Variants in ELMO1 observed in about 807,000 individuals in gnomAD.
ELMO1 encodes engulfment and cell motility protein 1.
A neutral mutation model predicts 98.9 loss-of-function variants in ELMO1; 26 were observed. That is an observed-to-expected ratio of 0.26 (90% confidence interval 0.19 to 0.36). ELMO1 has a LOEUF of 0.36. Ranked by LOEUF, ELMO1 falls within the 10% of genes least tolerant of loss-of-function variation. The probability of loss-of-function intolerance (pLI) is 1.00; values close to 1 mark genes in which losing one functional copy is unlikely to be tolerated. For missense variants in ELMO1, 627 were observed against 935.2 expected (o/e 0.67, Z 4.30); for synonymous variants, 346 against 346.0 (o/e 1.00, Z 0.00).
intron 20 of ELMO1, among the ~76,000 whole-genome samples, chr7:36,868,932 C>T (rs997310458): frequency 2.6e-5 from 4 of 152,118 alleles, no homozygotes; most frequent in Non-Finnish European, 2.9e-5. Flanking sequence ...GAGCAGAGCC[C>T]GTGCTCTCCG....
chr7:36,914,897 TTTCAGAAA>T (rs56874273), intron 16 of ELMO1, among the ~76,000 whole-genome samples: 69,032 of 151,352 alleles, frequency 0.46, 17,112 homozygotes, highest in Non-Finnish European at 0.56. Context: ...AAATGCAAGA[TTTCAGAAA>T]TTCAGAAATT....
At chr7:37,145,835 T>C (rs953754885) in intron 13 of ELMO1, among the ~76,000 whole-genome samples, 8 of 152,200 alleles carry the variant, frequency 5.3e-5, no homozygotes, top group South Asian at 2.1e-4. Flanking sequence ...ACTTAATCTA[T>C]GAAAAGCCCT....
At chr7:37,235,947 A>T (rs1391257959) in intron 7 of ELMO1, among the ~76,000 whole-genome samples, 1 of 152,114 alleles carries the variant, frequency 6.6e-6, no homozygotes, top group Non-Finnish European at 1.5e-5. Flanking sequence ...AAACCAATAA[A>T]CAACAAAAAA....
chr7:37,427,006 C>G (rs544441028), intron 1 of ELMO1, among the ~76,000 whole-genome samples: 2 of 151,862 alleles, frequency 1.3e-5, no homozygotes, highest in African/African-American at 2.4e-5. Context: ...AAAGATTCTA[C>G]GTCTTTTTTC....
chr7:37,313,669 C>T (rs534792838), intron 4 of ELMO1, among the ~76,000 whole-genome samples: 47 of 152,306 alleles, frequency 3.1e-4, no homozygotes, highest in African/African-American at 1.1e-3. Flanking sequence ...GGCCTCTCTC[C>T]TGCTGAACTG....
intron 15 of ELMO1, among the ~76,000 whole-genome samples, chr7:37,019,531 C>T (rs979826568): frequency 6.6e-6 from 1 of 152,188 alleles, no homozygotes; most frequent in African/African-American, 2.4e-5. Context: ...CACGTTTATA[C>T]ACGAGAGCTT....
intron 16 of ELMO1, among the ~76,000 whole-genome samples, chr7:36,963,455 A>G (rs59755167): frequency 0.24 from 36,335 of 151,914 alleles, 5,595 homozygotes; most frequent in African/African-American, 0.43. Context: ...TGTGAAAAGA[A>G]GTGAGGAAAA....
intron 4 of ELMO1, among the ~76,000 whole-genome samples, chr7:37,278,233 T>TTG (rs1220501138): frequency 6.6e-6 from 1 of 151,646 alleles, no homozygotes; most frequent in African/African-American, 2.4e-5. Context: ...AATCTAGATG[T>TTG]TGCTGTAAGG....
chr7:37,036,829 C>T (rs916966663), intron 15 of ELMO1, among the ~76,000 whole-genome samples: 1 of 152,126 alleles, frequency 6.6e-6, no homozygotes, highest in African/African-American at 2.4e-5. Context: ...TGTTAAGGAT[C>T]CAATGACCCA....
chr7:37,112,958 G>A (rs1785339629), intron 14 of ELMO1, among the ~76,000 whole-genome samples: 1 of 152,150 alleles, frequency 6.6e-6, no homozygotes, highest in African/African-American at 2.4e-5. Flanking sequence ...TACTGGCTGG[G>A]CTCTGGTCAC....
chr7:37,003,056 A>T (rs1394969074), intron 16 of ELMO1, among the ~76,000 whole-genome samples: 1 of 152,172 alleles, frequency 6.6e-6, no homozygotes, highest in Non-Finnish European at 1.5e-5. Flanking sequence ...TTCCTCCTAC[A>T]CAGTTGGCCT....
intron 13 of ELMO1, among the ~76,000 whole-genome samples, chr7:37,148,912 A>G (rs1352635553): frequency 1.3e-5 from 2 of 152,122 alleles, no homozygotes; most frequent in Non-Finnish European, 2.9e-5. Flanking sequence ...TTTTTCATTC[A>G]TCCCCAGGGA....
chr7:37,368,728 C>T (rs1307599829), intron 1 of ELMO1, among the ~76,000 whole-genome samples: 1 of 152,190 alleles, frequency 6.6e-6, no homozygotes, highest in Non-Finnish European at 1.5e-5. Flanking sequence ...GACCTTTGCT[C>T]ACAGTGAAGT....
chr7:37,175,400 A>G (rs1416938984), intron 13 of ELMO1, among the ~76,000 whole-genome samples: 1 of 152,242 alleles, frequency 6.6e-6, no homozygotes, highest in East Asian at 1.9e-4. Flanking sequence ...AAGTATTGTC[A>G]GGCTGCAGAG....
At chr7:37,434,804 C>T (rs1805079347) in intron 1 of ELMO1, among the ~76,000 whole-genome samples, 2 of 152,200 alleles carry the variant, frequency 1.3e-5, no homozygotes, top group South Asian at 2.1e-4. Flanking sequence ...GTTGTCTGTA[C>T]CCAGTAAAAT....
intron 14 of ELMO1, among the ~76,000 whole-genome samples, chr7:37,110,019 C>A (rs73690302): frequency 2.6e-5 from 4 of 152,196 alleles, no homozygotes; most frequent in Non-Finnish European, 4.4e-5. Context: ...CTCCAGATTG[C>A]CCTCTGGGAT....
chr7:36,998,260 G>C (rs1247248080), intron 16 of ELMO1, among the ~76,000 whole-genome samples: 1 of 152,072 alleles, frequency 6.6e-6, no homozygotes, highest in Non-Finnish European at 1.5e-5. Flanking sequence ...CTTAAATTTA[G>C]AACAACTCAA....
intron 4 of ELMO1, among the ~76,000 whole-genome samples, chr7:37,312,915 T>C (rs1798961045): frequency 6.6e-6 from 1 of 152,238 alleles, no homozygotes; most frequent in Non-Finnish European, 1.5e-5. Context: ...TACTCTACTA[T>C]GTTCCAGTGT....
intron 2 of ELMO1, among the ~76,000 whole-genome samples, chr7:37,322,293 C>T (rs1336078902): frequency 1.3e-5 from 2 of 152,024 alleles, no homozygotes; most frequent in African/African-American, 4.8e-5. Context: ...GCCTAGGCAA[C>T]ATGGCAAAAC....
Sources: gnomAD v4.1 joint callset for allele counts (sites outside exome capture counted in the v4.1 genomes callset) on GRCh38, gnomAD v4.1.1 for gene constraint, MANE v1.5 for transcripts, NCBI Gene and HGNC (gene_info 2026-07-23, HGNC 2026-07-21) for gene names.